CIB1: variants seen among roughly 807,000 people sequenced by gnomAD.
CIB1 encodes calcium and integrin-binding protein 1.
Under a neutral mutation model 25.0 loss-of-function variants are expected in CIB1, and 19 were observed. The observed-to-expected ratio is 0.76, with a 90% CI of 0.53 to 1.12. CIB1 has a LOEUF of 1.12. CIB1 is among the 50% of genes most tolerant of loss of function. The pLI is 0.00. For synonymous variants in CIB1, 104 were observed against 98.5 expected (o/e 1.06, Z -0.33); for missense variants, 236 against 242.6 (o/e 0.97, Z 0.18).
the CIB1 span, among the ~76,000 whole-genome samples, chr15:90,249,250 G>A: frequency 6.6e-6 from 1 of 151,194 alleles, no homozygotes; most frequent in African/African-American, 2.4e-5. Flanking sequence ...GAGAATTGAG[G>A]AGAGGCAAAC....
At chr15:90,253,758 G>T in the CIB1 span, among the ~76,000 whole-genome samples, 1 of 152,182 alleles carries the variant, frequency 6.6e-6, no homozygotes, top group East Asian at 1.9e-4. Flanking sequence ...CATCCATTAG[G>T]AGACTGCGGG....
Position 90,230,429 on chromosome 15 carries a change from C to T in CIB1, c.*55G>A. On this transcript the variant is annotated 3_prime_UTR_variant, in exon 7 of 7. Transcript: ENST00000328649. ...AACACAGGCTTGACCTTGGCCACAG[C>T]TCAGCAGTAGAAAGGTTCTTGGACA... 1 of 1,547,538 alleles carries T rather than the reference C, an allele frequency of 6.5e-7. No homozygotes were observed. Among genetic ancestry groups the T allele is most frequent in the South Asian group, 1.2e-5 (1 of 83,942 alleles).
At chr15:90,265,258 C>G in the CIB1 span, 3 of 1,272,694 alleles carry the variant, frequency 2.4e-6, no homozygotes, top group Non-Finnish European at 3.0e-6. Flanking sequence ...GGTCTGAACC[C>G]TAGGTGCGGC....
the CIB1 span, among the ~76,000 whole-genome samples, chr15:90,256,547 T>TTCTTTCTTTC: frequency 6.0e-4 from 14 of 23,524 alleles, no homozygotes; most frequent in African/African-American, 3.0e-3. Context: ...TCCTTCCTTT[T>TTCTTTCTTTC]TCTTTCTTTC....
the CIB1 span, chr15:90,242,265 T>C: frequency 2.8e-5 from 9 of 326,964 alleles, no homozygotes; most frequent in East Asian, 7.1e-4. Context: ...TTTTTTTTTT[T>C]TTTTTTTTTT....
chr15:90,248,792 A>C, the CIB1 span, among the ~76,000 whole-genome samples: 1 of 147,062 alleles, frequency 6.8e-6, no homozygotes, highest in Non-Finnish European at 1.5e-5. Context: ...GAAACATTTT[A>C]AGTGTTCTCT....
chr15:90,256,220 C>T, the CIB1 span: 127 of 1,614,180 alleles, frequency 7.9e-5, no homozygotes, highest in Admixed American at 1.1e-3. Context: ...CTGTCAGGGA[C>T]GTGGCATCTT....
the CIB1 span, chr15:90,251,620 C>T: frequency 6.2e-7 from 1 of 1,611,362 alleles, no homozygotes; most frequent in Non-Finnish European, 8.5e-7. Flanking sequence ...GTCGCTCACA[C>T]TGTGGTGCAT....
At chr15:90,263,023 C>T in the CIB1 span, 2 of 1,536,116 alleles carry the variant, frequency 1.3e-6, no homozygotes, top group Non-Finnish European at 1.7e-6. Context: ...AGAGGAGGAG[C>T]TGGAGCGGAT....
At chr15:90,233,139 T>C (rs1379311120) in intron 2 of CIB1, among the ~76,000 whole-genome samples, 1 of 152,256 alleles carries the variant, frequency 6.6e-6, no homozygotes, top group Non-Finnish European at 1.5e-5. Flanking sequence ...TCAAATCTAC[T>C]TACTCAGAGT....
At chr15:90,263,836 G>A in the CIB1 span, 10 of 751,964 alleles carry the variant, frequency 1.3e-5, no homozygotes, top group South Asian at 8.8e-5. Context: ...AGAGCAGGGC[G>A]CTCCTCATTT....
the CIB1 span, chr15:90,257,491 G>A: frequency 3.1e-6 from 3 of 973,130 alleles, no homozygotes; most frequent in Non-Finnish European, 4.5e-6. Context: ...CTCTTCCCCA[G>A]GATCATCTAG....
At chr15:90,241,461 G>A in the CIB1 span, 4 of 1,613,634 alleles carry the variant, frequency 2.5e-6, no homozygotes, top group Admixed American at 1.7e-5. Flanking sequence ...GCTGCCGGGT[G>A]CACTGAGGGC....
the CIB1 span, chr15:90,265,063 C>T: frequency 6.4e-6 from 9 of 1,414,550 alleles, no homozygotes; most frequent in African/African-American, 1.0e-4. Flanking sequence ...CACCAAGTTC[C>T]ACTTTGAAAA....
At position 90,230,283 on chromosome 15, in the gene CIB1, A is replaced by C; in HGVS notation, c.*201T>G. The C allele has an allele frequency of 1.6e-6, 1 of 625,130 alleles. No homozygotes were observed. The highest frequency in any genetic ancestry group is 2.9e-6 in the Non-Finnish European group (1 of 347,174). The allele number at this position is 625,130 out of a possible 1,614,324, so 38.7% of individuals were successfully genotyped here. A position where few individuals can be genotyped will look rare whatever the true frequency, so the allele number is the denominator to read the frequency against. On this transcript the variant is annotated 3_prime_UTR_variant, in exon 7 of 7. Transcript: ENST00000328649. The stretch of plus-strand genomic sequence containing the variant: ...CTAAACCTTTATTACTGATTAGTAC[A>C]AACACAAACGGAGCAATGACAACAG...
chr15:90,257,752 C>A, the CIB1 span: 2 of 1,602,924 alleles, frequency 1.2e-6, no homozygotes, highest in Middle Eastern at 1.7e-4. Context: ...CTCCTGCTTC[C>A]TCTGCCCCTT....
the CIB1 span, among the ~76,000 whole-genome samples, chr15:90,248,581 G>C: frequency 6.6e-6 from 1 of 151,692 alleles, no homozygotes; most frequent in Non-Finnish European, 1.5e-5. Flanking sequence ...CAGGCATGGT[G>C]GTGCGCACCT....
the CIB1 span, chr15:90,262,733 G>T: frequency 7.2e-7 from 1 of 1,395,634 alleles, no homozygotes; most frequent in Non-Finnish European, 9.4e-7. Context: ...CTAGATAGGG[G>T]AATGAATCTC....
chr15:90,235,708 C>T (rs1962620480), upstream of CIB1, among the ~76,000 whole-genome samples: 2 of 151,826 alleles, frequency 1.3e-5, no homozygotes, highest in South Asian at 4.2e-4. Context: ...GCTGGGACTA[C>T]AGGCACCCGC....
Sources: gnomAD v4.1 joint callset for allele counts (sites outside exome capture counted in the v4.1 genomes callset) on GRCh38, gnomAD v4.1.1 for gene constraint, MANE v1.5 for transcripts, NCBI Gene and HGNC (gene_info 2026-07-23, HGNC 2026-07-21) for gene names.